C16orf89: variants seen among roughly 807,000 people sequenced by gnomAD.
C16orf89 encodes UPF0764 protein C16orf89.
A neutral mutation model predicts 41.5 loss-of-function variants in C16orf89; 57 were observed. That is an observed-to-expected ratio of 1.38 (90% CI 1.11 to 1.71). The LOEUF (loss-of-function observed/expected upper bound fraction) is 1.71, where lower values mean the gene tolerates loss of function less well. Among genes scored for constraint, C16orf89 ranks in the 40% most tolerant of loss-of-function variants. C16orf89 has a pLI of 0.00. For synonymous variants in C16orf89, 223 were observed against 190.6 expected, an observed-to-expected ratio of 1.17 and a Z score of -1.40; for missense variants, 575 against 445.9, an observed-to-expected ratio of 1.29 and a Z score of -2.61.
intron 6 of C16orf89, among the ~76,000 whole-genome samples, chr16:5,051,127 C>G (rs935926710): frequency 2.6e-5 from 4 of 152,286 alleles, no homozygotes; most frequent in East Asian, 3.9e-4. Flanking sequence ...AAAGCTTTTC[C>G]TGTAAGAACT....
chr16:5,056,169 G>T lies in C16orf89; in HGVS notation c.647C>A (p.Pro216Gln), dbSNP rs1345922419. ...WARMRGCTQG[P>Q]LQQSQDYINL... ...GATATAGTCCTGGCTCTGTTGGAGTGGTCCCTGTGTGCACCCCCTCTGGGG... is the reference window on the plus strand; with the variant it reads ...GATATAGTCCTGGCTCTGTTGGAGTTGTCCCTGTGTGCACCCCCTCTGGGG... Residue 216 changes from proline (P) to glutamine (Q), a missense_variant, in exon 5 of 8, where the codon CCA (proline) becomes CAA (glutamine). By Grantham distance (76) the Pro-to-Gln change is moderately conservative. Transcript: ENST00000472572. The T allele has an allele frequency of 6.3e-7, 1 of 1,591,152 alleles. No individual in the cohort carries two copies. Among genetic ancestry groups the T allele is most frequent in the African/African-American group, 1.3e-5 (1 of 74,542 alleles).
rs1426574208 is a variant in C16orf89, at chr16:5,055,964, TGTGTGTGTGTGTGTGTGTG to T, written c.763+70_763+88del. On this transcript the variant is annotated intron_variant, in intron 5 of 7. Transcript: ENST00000472572. ...GTGTGTGTGTGTGTGTGTGTGTGTG[TGTGTGTGTGTGTGTGTGTG>T]TGTGTGTGTGTGTGTGTTGGTGGGG... The T allele has an allele frequency of 7.6e-6, 6 of 792,206 alleles. No individual in the cohort carries two copies. The African/African-American group carries it at 1.1e-4, about 15-fold the overall frequency. 49.1% of individuals were successfully genotyped at this position (792,206 alleles called of 1,614,324 possible). A position where few individuals can be genotyped will look rare whatever the true frequency, so the allele number is the denominator to read the frequency against.
Position 5,065,767 on chromosome 16 carries a change from C to T in C16orf89, c.142G>A (p.Val48Ile), listed in dbSNP as rs765206111. ...LILSALERAT[V>I]FLEQRLPEIN... ...TCAGGCAGCCTCTGTTCTAGGAAGA[C>T]GGTGGCTCTCTCCAGCGCAGACAGG... Residue 48 changes from valine (V) to isoleucine (I), a missense_variant, in exon 1 of 8, where the codon GTC becomes ATC. Transcript: ENST00000472572. 1.4e-5 allele frequency: 22 copies of T among 1,614,056 alleles called. No individual in the cohort carries two copies. Among genetic ancestry groups the T allele is most frequent in the Middle Eastern group, 1.6e-4 (1 of 6,084 alleles).
At chr16:5,056,000 T>TGTGTGTGTGTGTGTGTGTGTGTGTGTG in intron 5 of C16orf89, 53 bp downstream of exon 5, 2 of 1,103,320 alleles carry the variant, frequency 1.8e-6, no homozygotes, top group East Asian at 6.0e-5. Context: ...TGTGTGTGTG[T>TGTGTGTGTGTGTGTGTGTGTGTGTGTG]TGGTGGGGGG....
chr16:5,044,347 C>T lies in C16orf89; in HGVS notation c.*1G>A. ...AGGCAGCTGGCATGGAACCGTCCGT[C>T]TCAGCGGCTGCTTGGTGGTGGCGGT... On this transcript the variant is annotated 3_prime_UTR_variant, in exon 8 of 8. Coordinates refer to ENST00000472572, the MANE Select transcript of C16orf89 (RefSeq NM_001098514.3). The T allele has an allele frequency of 6.2e-7, 1 of 1,601,042 alleles. No individual in the cohort carries two copies. Among genetic ancestry groups the T allele is most frequent in the Non-Finnish European group, 8.5e-7 (1 of 1,174,576 alleles).
chr16:5,056,570 C>T (rs1257676154), intron 4 of C16orf89, among the ~76,000 whole-genome samples: 1 of 152,074 alleles, frequency 6.6e-6, no homozygotes, highest in Non-Finnish European at 1.5e-5. Flanking sequence ...TGTGACCGAT[C>T]GCGGGGGCAA....
chr16:5,056,070 T>C lies in C16orf89; in HGVS notation c.746A>G (p.Asp249Gly), dbSNP rs201720626. Residue 249 changes from aspartate to glycine, a missense_variant, in exon 5 of 8, where the codon GAC becomes GGC. Asp to Gly is a moderately conservative substitution (Grantham distance 94). Transcript: ENST00000472572. ...EAIGYAYPTR[D>G]IFMENIMFCG... Reference sequence around the variant, plus strand: ...GGCCATACTGTTTTCCATGAAGATGTCCCGGGTAGGGTAGGCGTATCCGAT... The same window carrying C: ...GGCCATACTGTTTTCCATGAAGATGCCCCGGGTAGGGTAGGCGTATCCGAT... 1.4e-4 allele frequency: 231 copies of C among 1,595,016 alleles called. No individual in the cohort carries two copies. The highest frequency in any genetic ancestry group is 1.8e-4 in the Non-Finnish European group (215 of 1,164,410).
intron 2 of C16orf89, among the ~76,000 whole-genome samples, chr16:5,061,749 C>G (rs75798777): frequency 0.015 from 2,210 of 152,198 alleles, 52 homozygotes; most frequent in African/African-American, 0.05. Flanking sequence ...GAGCATGAAG[C>G]GTGGCCTGGC....
chr16:5,050,746 A>C (rs2142617519), intron 6 of C16orf89, among the ~76,000 whole-genome samples: 1 of 152,318 alleles, frequency 6.6e-6, no homozygotes, highest in South Asian at 2.1e-4. Context: ...TTAACAAAAT[A>C]CTAGCAAACC....
At chr16:5,059,657 A>G (rs894994787) in intron 3 of C16orf89, among the ~76,000 whole-genome samples, 10 of 152,050 alleles carry the variant, frequency 6.6e-5, no homozygotes, top group African/African-American at 2.2e-4. Context: ...GCCTTGTTCC[A>G]AGCCCACCAA....
At chr16:5,051,920 A>G (rs747817251) in intron 6 of C16orf89, among the ~76,000 whole-genome samples, 19 of 152,102 alleles carry the variant, frequency 1.2e-4, no homozygotes, top group Non-Finnish European at 2.4e-4. Flanking sequence ...GCCAACATGT[A>G]GAAACCCTGT....
At chr16:5,059,122 C>T (rs991536192) in intron 3 of C16orf89, among the ~76,000 whole-genome samples, 1 of 151,936 alleles carries the variant, frequency 6.6e-6, no homozygotes, top group Non-Finnish European at 1.5e-5. Flanking sequence ...TGCCTGTAAT[C>T]CCAGCTACTC....
chr16:5,058,588 C>G lies in C16orf89; in HGVS notation c.532G>C (p.Gly178Arg), dbSNP rs186670584. The change falls in exon 4 of 8, where the codon GGC becomes CGC. Residue 178 changes from glycine to arginine, a missense_variant. Gly to Arg is a moderately radical substitution (Grantham distance 125). Coordinates refer to ENST00000472572, the MANE Select transcript of C16orf89 (RefSeq NM_001098514.3). ...GTGTDSSEPCGLSDLCRSLMT... is the reference protein window; with the variant it reads ...GTGTDSSEPCRLSDLCRSLMT... The stretch of plus-strand genomic sequence containing the variant: ...AGGCTCCTGCAGAGGTCTGAGAGGC[C>G]GCAGGGCTCGCTGCTGTCCGTCCTG... 1.1e-5 allele frequency: 18 copies of G among 1,611,876 alleles called. No homozygotes were observed. Among genetic ancestry groups the G allele is most frequent in the Non-Finnish European group, 1.5e-5 (18 of 1,179,602 alleles).
intron 2 of C16orf89, among the ~76,000 whole-genome samples, chr16:5,061,584 C>T (rs531522574): frequency 6.8e-6 from 1 of 147,468 alleles, no homozygotes; most frequent in South Asian, 2.1e-4. Flanking sequence ...TTGGTGAGAA[C>T]GTGGAGCTCT....
At chr16:5,061,578 T>C (rs968786960) in intron 2 of C16orf89, among the ~76,000 whole-genome samples, 1 of 144,566 alleles carries the variant, frequency 6.9e-6, no homozygotes, top group Admixed American at 6.9e-5. Flanking sequence ...TTTGGTTTGG[T>C]GAGAACGTGG....
At chr16:5,065,286 G>T (rs1381278858) in intron 1 of C16orf89, among the ~76,000 whole-genome samples, 1 of 152,162 alleles carries the variant, frequency 6.6e-6, no homozygotes, top group Admixed American at 6.5e-5. Flanking sequence ...GCAAGTGGAG[G>T]AAGTGGGGTG....
chr16:5,045,986 G>A (rs1956288839), intron 7 of C16orf89, among the ~76,000 whole-genome samples: 1 of 152,152 alleles, frequency 6.6e-6, no homozygotes, highest in Non-Finnish European at 1.5e-5. Context: ...TGGGCTCTGG[G>A]GACGGGCAGC....
At chr16:5,063,474 C>T (rs1239360367) in intron 1 of C16orf89, among the ~76,000 whole-genome samples, 1 of 152,168 alleles carries the variant, frequency 6.6e-6, no homozygotes, top group Non-Finnish European at 1.5e-5. Flanking sequence ...CATTACTGGT[C>T]TATGGCCTGT....
chr16:5,064,469 C>T (rs890542614), intron 1 of C16orf89, among the ~76,000 whole-genome samples: 8 of 152,204 alleles, frequency 5.3e-5, no homozygotes, highest in African/African-American at 1.2e-4. Flanking sequence ...TGTGCATGAT[C>T]GTGTGATACT....
Sources: gnomAD v4.1 joint callset for allele counts (sites outside exome capture counted in the v4.1 genomes callset) on GRCh38, gnomAD v4.1.1 for gene constraint, MANE v1.5 for transcripts, NCBI Gene and HGNC (gene_info 2026-07-23, HGNC 2026-07-21) for gene names.